USP33: variants seen among roughly 807,000 people sequenced by gnomAD.
USP33 encodes the protein ubiquitin carboxyl-terminal hydrolase 33.
A neutral mutation model predicts 124.2 loss-of-function variants in USP33; 46 were observed. The observed-to-expected ratio is 0.37, with a 90% CI of 0.29 to 0.47. The LOEUF is 0.47. Among genes scored for constraint, USP33 ranks in the 20% least tolerant of loss-of-function variants. USP33 has a pLI of 0.99. For synonymous variants in USP33, 350 were observed against 352.3 expected (o/e 0.99, Z 0.07); for missense variants, 851 against 1,070.6 (o/e 0.79, Z 2.86).
At chr1:77,749,126 T>G (rs1314213154) in intron 1 of USP33, among the ~76,000 whole-genome samples, 1 of 152,240 alleles carries the variant, frequency 6.6e-6, no homozygotes, top group Non-Finnish European at 1.5e-5. Context: ...ATGTATATTC[T>G]CAAGAAAATC....
chr1:77,738,975 C>T (rs1011782257), intron 5 of USP33, among the ~76,000 whole-genome samples: 2 of 151,744 alleles, frequency 1.3e-5, no homozygotes, highest in Admixed American at 1.3e-4. Flanking sequence ...TCAGACTTAC[C>T]AGAAAAAGAT....
intron 8 of USP33, among the ~76,000 whole-genome samples, chr1:77,730,294 T>G (rs1279130955): frequency 6.6e-6 from 1 of 152,244 alleles, no homozygotes; most frequent in Non-Finnish European, 1.5e-5. Flanking sequence ...AATATTCATA[T>G]AGTATTTAGG....
rs1681092713 is a variant in USP33, at chr1:77,759,242, C to A, written c.-52+401G>T. ...AGCGCCGAAAAGCGAAACCAGAACC[C>A]AGGAGCCGGCGCGCTGCAGGGCTTT... On this transcript the variant is annotated intron_variant, in intron 1 of 23. Coordinates refer to ENST00000370794, the MANE Select transcript of USP33 (RefSeq NM_201624.3). 3 of 203,384 alleles carry A rather than the reference C, an allele frequency of 1.5e-5. No individual in the cohort carries two copies. The East Asian group carries it at 3.3e-4, about 23-fold the overall frequency. 12.6% of individuals were successfully genotyped at this position (203,384 alleles called of 1,614,324 possible).
At chr1:77,739,452 C>A in intron 4 of USP33, 35 bp from the exon 5 acceptor site, 3 of 1,524,408 alleles carry the variant, frequency 2.0e-6, no homozygotes, top group East Asian at 2.4e-5. Context: ...AAAGAGGAAC[C>A]AAAATTACAT....
intron 1 of USP33, 62 bp from the exon 2 acceptor site, chr1:77,741,810 C>A: frequency 8.6e-6 from 12 of 1,395,690 alleles, no homozygotes; most frequent in South Asian, 3.2e-5. Context: ...GCAAAGATTC[C>A]AAAAAATAAA....
At chr1:77,722,311 AAAC>A in intron 12 of USP33, 115 bp from the exon 13 acceptor site, 1 of 1,019,032 alleles carries the variant, frequency 9.8e-7, no homozygotes, top group Non-Finnish European at 1.4e-6. Flanking sequence ...AAAAAACAAA[AAAC>A]AAAAAAAAAC....
chr1:77,735,788 T>C (rs1678372690), intron 6 of USP33, among the ~76,000 whole-genome samples: 1 of 152,132 alleles, frequency 6.6e-6, no homozygotes, highest in Non-Finnish European at 1.5e-5. Flanking sequence ...AGAAACACTG[T>C]TCAAACAGAC....
intron 12 of USP33, chr1:77,722,498 AT>A (rs1676682800): frequency 5.1e-6 from 1 of 195,984 alleles, no homozygotes; most frequent in Admixed American, 5.8e-5. Flanking sequence ...CAGCCACTGC[AT>A]CTTGAGGTCC....
At chr1:77,749,696 T>C (rs187892186) in intron 1 of USP33, among the ~76,000 whole-genome samples, 53 of 152,212 alleles carry the variant, frequency 3.5e-4, no homozygotes, top group Non-Finnish European at 4.6e-4. Flanking sequence ...TTTATTTTCT[T>C]AATCCCTAAA....
chr1:77,727,641 C>G (rs930028813), intron 10 of USP33, among the ~76,000 whole-genome samples: 1 of 152,168 alleles, frequency 6.6e-6, no homozygotes, highest in Non-Finnish European at 1.5e-5. Flanking sequence ...AGAAAATAAA[C>G]TTTTTTACAT....
intron 1 of USP33, among the ~76,000 whole-genome samples, chr1:77,748,975 C>T (rs528004423): frequency 1.3e-5 from 2 of 152,266 alleles, no homozygotes; most frequent in African/African-American, 4.8e-5. Flanking sequence ...CTGTCAAGAA[C>T]CAATCTTCCA....
chr1:77,709,102 T>C (rs1674950222), intron 21 of USP33, among the ~76,000 whole-genome samples: 1 of 152,250 alleles, frequency 6.6e-6, no homozygotes, highest in Non-Finnish European at 1.5e-5. Context: ...GGGAGTTAAG[T>C]AGAAATGATA....
intron 3 of USP33, 144 bp from the exon 4 acceptor site, chr1:77,741,083 T>A: frequency 1.5e-6 from 1 of 647,120 alleles, no homozygotes; most frequent in East Asian, 2.9e-5. Flanking sequence ...TCATTAAATT[T>A]AACCAAATGT....
intron 1 of USP33, among the ~76,000 whole-genome samples, chr1:77,758,590 T>A (rs781494052): frequency 6.6e-6 from 1 of 152,194 alleles, no homozygotes; most frequent in Non-Finnish European, 1.5e-5. Flanking sequence ...TCCTATTTTC[T>A]CTCTTATTTA....
intron 1 of USP33, among the ~76,000 whole-genome samples, chr1:77,742,209 T>G (rs1244662128): frequency 6.6e-6 from 1 of 152,152 alleles, no homozygotes; most frequent in Non-Finnish European, 1.5e-5. Context: ...GACCCCCTAC[T>G]GATGGCATAA....
Position 77,750,663 on chromosome 1 carries a change from A to AGAAAGAAAGAAAGAAAG in USP33, c.-51-8932_-51-8916dup, listed in dbSNP as rs1553201897. Among the ~76,000 whole-genome samples, 1,031 of 150,280 alleles carry AGAAAGAAAGAAAGAAAG rather than the reference A, an allele frequency of 6.9e-3. 8 individuals carry two copies. Among genetic ancestry groups the AGAAAGAAAGAAAGAAAG allele is most frequent in the East Asian group, 0.021 (104 of 5,006 alleles). ...AAGAAAGAAAGAAAGAAAGAAAGAA[A>AGAAAGAAAGAAAGAAAG]GAAAGAAAGAAAGAAAGAAAGAAAA... On this transcript the variant is annotated intron_variant, in intron 1 of 23. Coordinates refer to ENST00000370794, the MANE Select transcript of USP33 (RefSeq NM_201624.3).
At chr1:77,756,932 T>G (rs1277570901) in intron 1 of USP33, among the ~76,000 whole-genome samples, 1 of 152,272 alleles carries the variant, frequency 6.6e-6, no homozygotes, top group African/African-American at 2.4e-5. Flanking sequence ...TCCTTTCATG[T>G]GGATCACATA....
At position 77,696,567 on chromosome 1, in the gene USP33, C is replaced by T. The variant is rs918292914; in HGVS notation, c.*750G>A. 5.9e-5 allele frequency: 9 copies of T among 152,460 alleles called. No homozygotes were observed. The highest frequency in any genetic ancestry group is 1.9e-4 in the African/African-American group (8 of 41,434). The allele number at this position is 152,460 out of a possible 1,614,324, so 9.4% of individuals were successfully genotyped here. A position where few individuals can be genotyped will look rare whatever the true frequency, so the allele number is the denominator to read the frequency against. On this transcript the variant is annotated 3_prime_UTR_variant, in exon 24 of 24. Coordinates refer to ENST00000370794, the MANE Select transcript of USP33 (RefSeq NM_201624.3). The stretch of plus-strand genomic sequence containing the variant: ...ACAATTTTCTGACTACTACTTTCAA[C>T]TTAAAATAGGCTCTTTATTATATGA...
chr1:77,734,304 TA>T, intron 7 of USP33, 42 bp downstream of exon 7: 18 of 1,442,510 alleles, frequency 1.2e-5, no homozygotes, highest in Non-Finnish European at 1.7e-5. Flanking sequence ...AAAAATAACT[TA>T]AAAAATTATA....
Sources: gnomAD v4.1 joint callset for allele counts (sites outside exome capture counted in the v4.1 genomes callset) on GRCh38, gnomAD v4.1.1 for gene constraint, MANE v1.5 for transcripts, NCBI Gene and HGNC (gene_info 2026-07-23, HGNC 2026-07-21) for gene names.